Variants in KITLG observed in about 807,000 individuals in gnomAD.
KITLG encodes KIT ligand.
In KITLG, 13 loss-of-function variants were observed where a neutral mutation model predicts 34.1. That is an observed-to-expected ratio of 0.38 (90% confidence interval 0.25 to 0.61). The LOEUF (loss-of-function observed/expected upper bound fraction) is 0.61, where lower values mean the gene tolerates loss of function less well. Among genes scored for constraint, KITLG ranks in the 20% least tolerant of loss-of-function variants. The pLI is 0.60. For missense variants in KITLG, 292 were observed against 318.9 expected, an observed-to-expected ratio of 0.92 and a Z score of 0.64; for synonymous variants, 110 against 104.0, an observed-to-expected ratio of 1.06 and a Z score of -0.35.
chr12:88,572,479 A>T (rs2120987015), intron 1 of KITLG, among the ~76,000 whole-genome samples: 1 of 150,852 alleles, frequency 6.6e-6, no homozygotes, highest in South Asian at 2.1e-4. Context: ...ATTAAAGCAT[A>T]GAGTACTGTG....
rs145467102 is a variant in KITLG at position 88,522,473 on chromosome 12, G to T, written c.193-3606C>A. On this transcript the variant is annotated intron_variant, in intron 3 of 9. Coordinates refer to ENST00000644744, the MANE Select transcript of KITLG (RefSeq NM_000899.5). ...AGACAGTCTTGCTCTTCTCGCCCAC[G>T]CTGGAGTGCAATGGCGTGGTCTCAG... is the stretch of plus-strand genomic sequence containing the variant. 5.1e-3 allele frequency among the ~76,000 whole-genome samples: 701 copies of T among 136,530 alleles called. 7 individuals carry two copies. The highest frequency in any genetic ancestry group is 0.019 in the African/African-American group (681 of 36,132). The allele number at this position is 136,530 out of a possible 152,430, so 89.6% of individuals were successfully genotyped here. A position where few individuals can be genotyped will look rare whatever the true frequency, so the allele number is the denominator to read the frequency against.
rs932413196 is a variant in KITLG, at chr12:88,549,724, G to A, written c.16-3859C>T. 6.6e-5 allele frequency among the ~76,000 whole-genome samples: 10 copies of A among 152,226 alleles called. No homozygotes were observed. The East Asian group carries it at 1.2e-3, about 18-fold the overall frequency. ...TGGACTTAGGAGGGAAACTTGGGGT[G>A]CAGATATAAATATGATAACCTTCCA... On this transcript the variant is annotated intron_variant, in intron 1 of 9. Coordinates refer to ENST00000644744, the MANE Select transcript of KITLG (RefSeq NM_000899.5).
In KITLG at chr12:88,580,430, C is replaced by A. The variant is rs12424567; in HGVS notation, c.-152G>T. On this transcript the variant is annotated 5_prime_UTR_variant, in exon 1 of 10. Transcript: ENST00000644744. The stretch of plus-strand genomic sequence containing the variant: ...AGCGCCCTCTCCACTGTCCCTGCTT[C>A]CCGCAGCGCTTCTAGTCTCGGCGCG... 1.3e-4 allele frequency: 122 copies of A among 920,098 alleles called. No homozygotes were observed. In the Admixed American group the frequency reaches 2.6e-3, roughly 19 times the overall value. The allele number at this position is 920,098 out of a possible 1,614,324, so 57.0% of individuals were successfully genotyped here.
At chr12:88,577,006 C>T (rs1450058702) in intron 1 of KITLG, among the ~76,000 whole-genome samples, 3 of 152,016 alleles carry the variant, frequency 2.0e-5, no homozygotes, top group Admixed American at 6.6e-5. Flanking sequence ...TGGTTATTTT[C>T]CTTGTTTTAT....
chr12:88,546,251 T>C (rs565012254), intron 1 of KITLG, among the ~76,000 whole-genome samples: 8 of 152,210 alleles, frequency 5.3e-5, no homozygotes, highest in African/African-American at 9.6e-5. Context: ...CTACTTTAAA[T>C]GTAGACTGCT....
intron 9 of KITLG, among the ~76,000 whole-genome samples, chr12:88,498,137 A>G (rs1471591196): frequency 1.3e-5 from 2 of 152,262 alleles, no homozygotes; most frequent in East Asian, 3.9e-4. Context: ...TCCCATCTTC[A>G]ATCCCAGTCT....
chr12:88,566,118 C>T (rs901365189), intron 1 of KITLG, among the ~76,000 whole-genome samples: 2 of 152,040 alleles, frequency 1.3e-5, no homozygotes, highest in African/African-American at 4.8e-5. Flanking sequence ...CTTCTACCAC[C>T]CAAAGTGGCT....
intron 1 of KITLG, among the ~76,000 whole-genome samples, chr12:88,572,591 A>C (rs1402521588): frequency 1.4e-5 from 1 of 72,754 alleles, no homozygotes; most frequent in Non-Finnish European, 3.1e-5. Flanking sequence ...TATTATATAC[A>C]TTATTATATA....
At chr12:88,518,600 T>A (rs1231498046) in intron 4 of KITLG, 97 bp downstream of exon 4, 1 of 912,060 alleles carries the variant, frequency 1.1e-6, no homozygotes, top group Non-Finnish European at 1.8e-6. Context: ...AATCAAAATA[T>A]CATAAATAAA....
chr12:88,530,978 A>G (rs1870062416), intron 3 of KITLG, among the ~76,000 whole-genome samples: 1 of 152,206 alleles, frequency 6.6e-6, no homozygotes, highest in Admixed American at 6.5e-5. Context: ...TAGATGTTTA[A>G]TAAGTTTTGG....
At chr12:88,520,407 T>C (rs1388586312) in intron 3 of KITLG, among the ~76,000 whole-genome samples, 1 of 152,202 alleles carries the variant, frequency 6.6e-6, no homozygotes, top group Non-Finnish European at 1.5e-5. Flanking sequence ...TCCTAGGATA[T>C]GGAACACAGC....
intron 1 of KITLG, among the ~76,000 whole-genome samples, chr12:88,559,684 G>A (rs1232489730): frequency 6.6e-6 from 1 of 152,238 alleles, no homozygotes; most frequent in Admixed American, 6.5e-5. Flanking sequence ...TTTCCCATTA[G>A]TGTTTCACAA....
At chr12:88,544,956 T>C (rs1254839308) in intron 2 of KITLG, among the ~76,000 whole-genome samples, 1 of 152,210 alleles carries the variant, frequency 6.6e-6, no homozygotes, top group African/African-American at 2.4e-5. Context: ...CTCCGTTCTC[T>C]AGTCAGTATT....
At chr12:88,543,684 G>A (rs1261784117) in intron 2 of KITLG, among the ~76,000 whole-genome samples, 3 of 151,938 alleles carry the variant, frequency 2.0e-5, no homozygotes, top group Admixed American at 6.6e-5. Context: ...TGCTTTCCCC[G>A]CCCTTCTCAT....
At position 88,567,135 on chromosome 12, in the gene KITLG, T is replaced by C. The variant is rs961044221; in HGVS notation, c.15+13129A>G. Among the ~76,000 whole-genome samples the C allele has an allele frequency of 1.5e-4, 23 of 152,324 alleles. 1 individual carries two copies. The highest frequency in any genetic ancestry group is 6.8e-3 in the Middle Eastern group (2 of 294). ...CTTTAGGCCTTAAAAGCAGGGACTT[T>C]AATATATATATATTTGTTTTTCTTT... On this transcript the variant is annotated intron_variant, in intron 1 of 9. Coordinates refer to ENST00000644744, the MANE Select transcript of KITLG (RefSeq NM_000899.5).
chr12:88,518,948 C>T lies in KITLG; in HGVS notation c.193-81G>A, dbSNP rs549665654. On this transcript the variant is annotated intron_variant, in intron 3 of 9. Coordinates refer to ENST00000644744, the MANE Select transcript of KITLG (RefSeq NM_000899.5). ...AACTCGGAGTACTCTTCAAAGCTAT[C>T]GTTTTAGTTACTCAAGTGATTCTCC... 625 of 1,254,308 alleles carry T rather than the reference C, an allele frequency of 5.0e-4. 1 individual carries two copies. The highest frequency in any genetic ancestry group is 6.6e-4 in the Non-Finnish European group (577 of 880,754). The allele number at this position is 1,254,308 out of a possible 1,614,324, so 77.7% of individuals were successfully genotyped here. A position where few individuals can be genotyped will look rare whatever the true frequency, so the allele number is the denominator to read the frequency against.
At chr12:88,565,186 A>T (rs1871404980) in intron 1 of KITLG, among the ~76,000 whole-genome samples, 1 of 152,188 alleles carries the variant, frequency 6.6e-6, no homozygotes, top group Non-Finnish European at 1.5e-5. Flanking sequence ...ACTACACAAC[A>T]TCCTTTACTT....
rs984871544 is a variant in KITLG, at chr12:88,495,111, G to A, written c.*2108C>T. ...TCAGATTTAATAACTTGCTGAATTT[G>A]TTTATTTAACTCCATTGATTAAGAC... On this transcript the variant is annotated 3_prime_UTR_variant, in exon 10 of 10. Transcript: ENST00000644744. The A allele has an allele frequency of 6.6e-6, 1 of 151,924 alleles. No individual in the cohort carries two copies. Among genetic ancestry groups the A allele is most frequent in the Non-Finnish European group, 1.5e-5 (1 of 67,928 alleles). The allele number at this position is 151,924 out of a possible 1,614,324, so 9.4% of individuals were successfully genotyped here. A position where few individuals can be genotyped will look rare whatever the true frequency, so the allele number is the denominator to read the frequency against.
At chr12:88,519,663 C>T (rs1446177999) in intron 3 of KITLG, among the ~76,000 whole-genome samples, 1 of 151,988 alleles carries the variant, frequency 6.6e-6, no homozygotes, top group African/African-American at 2.4e-5. Context: ...CTCTCTGAGT[C>T]CTGGGCTGTA....
Sources: gnomAD v4.1 joint callset for allele counts (sites outside exome capture counted in the v4.1 genomes callset) on GRCh38, gnomAD v4.1.1 for gene constraint, MANE v1.5 for transcripts, NCBI Gene and HGNC (gene_info 2026-07-23, HGNC 2026-07-21) for gene names.